DCLK1: variants seen among roughly 807,000 people sequenced by gnomAD.
DCLK1 encodes serine/threonine-protein kinase DCLK1.
Under a neutral mutation model 86.2 loss-of-function variants are expected in DCLK1, and 16 were observed. That is an observed-to-expected ratio of 0.19 (90% CI 0.13 to 0.28). DCLK1 has a LOEUF of 0.28. DCLK1 is among the 10% of genes least tolerant of loss of function. DCLK1 has a pLI of 1.00. For missense variants in DCLK1, 590 were observed against 940.2 expected (o/e 0.63, Z 4.87); for synonymous variants, 369 against 370.5 (o/e 1.00, Z 0.05).
intron 4 of DCLK1, among the ~76,000 whole-genome samples, chr13:35,916,729 T>C (rs892466220): frequency 3.3e-5 from 5 of 152,200 alleles, no homozygotes; most frequent in Admixed American, 1.3e-4. Flanking sequence ...ATATTACATA[T>C]GTGATGGTGA....
At chr13:36,056,472 G>C (rs1207898041) in intron 3 of DCLK1, among the ~76,000 whole-genome samples, 1 of 106,776 alleles carries the variant, frequency 9.4e-6, no homozygotes, top group Non-Finnish European at 1.9e-5. Flanking sequence ...GTGGTGGGGA[G>C]GGGGGAGGGG....
chr13:36,003,038 C>A (rs893228068), intron 3 of DCLK1, among the ~76,000 whole-genome samples: 11 of 152,160 alleles, frequency 7.2e-5, no homozygotes, highest in African/African-American at 2.7e-4. Flanking sequence ...AGCAGTGTGT[C>A]CTCTTCTCAG....
intron 3 of DCLK1, among the ~76,000 whole-genome samples, chr13:35,993,070 C>G (rs1359749190): frequency 1.3e-5 from 2 of 152,164 alleles, no homozygotes; most frequent in Admixed American, 6.5e-5. Context: ...CAATGTCTCC[C>G]TGATGTAATA....
At position 36,058,690 on chromosome 13, in the gene DCLK1, G is replaced by A. The variant is rs111319551; in HGVS notation, c.723+53179C>T. On this transcript the variant is annotated intron_variant, in intron 3 of 16. Coordinates refer to ENST00000360631, the MANE Select transcript of DCLK1 (RefSeq NM_001330071.2). ...TGAAGGGAAAGAAGTAGAAAAAGTC[G>A]TTTCAAAGATTTGAGGCTCAGAAGA... Among the ~76,000 whole-genome samples, 697 of 152,238 alleles carry A rather than the reference G, an allele frequency of 4.6e-3. 6 individuals are homozygous for A. The highest frequency in any genetic ancestry group is 0.016 in the African/African-American group (659 of 41,554).
chr13:35,935,254 C>T (rs768115525), intron 4 of DCLK1, among the ~76,000 whole-genome samples: 3 of 152,144 alleles, frequency 2.0e-5, no homozygotes, highest in Non-Finnish European at 4.4e-5. Context: ...ACTACAACTG[C>T]CCTAGAATAG....
At position 35,827,697 on chromosome 13, in the gene DCLK1, C is replaced by T. The variant is rs377548672; in HGVS notation, c.1345G>A (p.Val449Ile). Reference protein sequence around the residue: ...ILRRVKHPNIVLLIEEMDVPT... With the variant: ...ILRRVKHPNIILLIEEMDVPT... ...ACATCCATCTCCTCAATCAGAAGAA[C>T]GATATTGGGATGCTTCACTCTTCTT... The change falls in exon 10 of 17, where the codon GTT (valine) becomes ATT (isoleucine). Residue 449 changes from valine to isoleucine, a missense_variant. By Grantham distance (29) the Val-to-Ile change is conservative. Coordinates refer to ENST00000360631, the MANE Select transcript of DCLK1 (RefSeq NM_001330071.2). 26 of 1,613,756 alleles carry T rather than the reference C, an allele frequency of 1.6e-5. No individual in the cohort carries two copies. Among genetic ancestry groups the T allele is most frequent in the East Asian group, 6.7e-5 (3 of 44,846 alleles).
At chr13:36,085,471 G>A (rs1023828575) in intron 3 of DCLK1, among the ~76,000 whole-genome samples, 1 of 152,056 alleles carries the variant, frequency 6.6e-6, no homozygotes, top group Non-Finnish European at 1.5e-5. Flanking sequence ...TTACTAACCT[G>A]AATACAGTTT....
intron 3 of DCLK1, among the ~76,000 whole-genome samples, chr13:35,965,875 A>G (rs1247366494): frequency 6.6e-6 from 1 of 152,178 alleles, no homozygotes; most frequent in Non-Finnish European, 1.5e-5. Flanking sequence ...ACAATAAGAG[A>G]CTGTAAGGGA....
At chr13:35,778,512 G>A (rs2153097401) in intron 16 of DCLK1, among the ~76,000 whole-genome samples, 1 of 152,236 alleles carries the variant, frequency 6.6e-6, no homozygotes, top group East Asian at 1.9e-4. Context: ...GTAGGGTTGG[G>A]GTGGGCTTGT....
chr13:35,802,230 G>T (rs765667057), intron 15 of DCLK1, among the ~76,000 whole-genome samples: 18 of 152,020 alleles, frequency 1.2e-4, no homozygotes, highest in Non-Finnish European at 2.2e-4. Flanking sequence ...TACTTGGGAG[G>T]CTGAGGCGGG....
intron 5 of DCLK1, among the ~76,000 whole-genome samples, chr13:35,867,955 A>AAGAAAG (rs1555345753): frequency 7.4e-5 from 11 of 148,370 alleles, no homozygotes; most frequent in African/African-American, 2.2e-4. Flanking sequence ...GAAAGAAAGA[A>AAGAAAG]AGAAAGAAAG....
At chr13:35,841,263 C>A (rs1869772912) in intron 6 of DCLK1, among the ~76,000 whole-genome samples, 1 of 152,208 alleles carries the variant, frequency 6.6e-6, no homozygotes, top group Non-Finnish European at 1.5e-5. Context: ...ACAATTTAGA[C>A]ACTCAGTCCC....
At chr13:35,845,626 C>T (rs1438016758) in intron 6 of DCLK1, among the ~76,000 whole-genome samples, 1 of 152,142 alleles carries the variant, frequency 6.6e-6, no homozygotes, top group Non-Finnish European at 1.5e-5. Flanking sequence ...TTTAAGGCAA[C>T]CCTGAAAGGA....
intron 6 of DCLK1, chr13:35,848,111 C>T (rs1026706004): frequency 2.0e-6 from 2 of 985,134 alleles, no homozygotes; most frequent in Non-Finnish European, 2.4e-6. Flanking sequence ...AACTACAGCA[C>T]GATGTCTTCA....
chr13:36,101,800 A>G (rs559472410), intron 3 of DCLK1, among the ~76,000 whole-genome samples: 17 of 152,000 alleles, frequency 1.1e-4, no homozygotes, highest in African/African-American at 3.6e-4. Flanking sequence ...CTGGAGTGCA[A>G]TGGCACCATC....
At chr13:35,933,720 G>A (rs61096130) in intron 4 of DCLK1, among the ~76,000 whole-genome samples, 5,859 of 152,268 alleles carry the variant, frequency 0.038, 395 homozygotes, top group African/African-American at 0.13. Context: ...CCTGGGCCCA[G>A]GCCACAAAAC....
At chr13:36,045,328 GTGTGTATATATATATATATATA>G (rs1401542080) in intron 3 of DCLK1, among the ~76,000 whole-genome samples, 8 of 45,238 alleles carry the variant, frequency 1.8e-4, no homozygotes, top group African/African-American at 7.2e-4. Context: ...ATGTGTGTGT[GTGTGTATATATATATATATATA>G]TATATATATA....
At chr13:36,004,105 T>C (rs1219007940) in intron 3 of DCLK1, among the ~76,000 whole-genome samples, 5 of 152,346 alleles carry the variant, frequency 3.3e-5, no homozygotes, top group African/African-American at 1.2e-4. Flanking sequence ...TCTGATATTT[T>C]GCCTTAATAT....
chr13:35,977,722 A>G (rs572503380), intron 3 of DCLK1, among the ~76,000 whole-genome samples: 8 of 152,200 alleles, frequency 5.3e-5, no homozygotes, highest in Non-Finnish European at 1.0e-4. Context: ...AGGTTTAGAA[A>G]ATCCCAGCTC....
Sources: gnomAD v4.1 joint callset for allele counts (sites outside exome capture counted in the v4.1 genomes callset) on GRCh38, gnomAD v4.1.1 for gene constraint, MANE v1.5 for transcripts, NCBI Gene and HGNC (gene_info 2026-07-23, HGNC 2026-07-21) for gene names.